SCARB2: variants seen among roughly 807,000 people sequenced by gnomAD.
SCARB2 encodes lysosome membrane protein 2.
Under a neutral mutation model 58.6 loss-of-function variants are expected in SCARB2, and 29 were observed. The ratio of observed to expected loss-of-function variants is 0.49; its 90% CI spans 0.37 to 0.67. The LOEUF is 0.67. Ranked by LOEUF, SCARB2 falls within the 30% of genes least tolerant of loss-of-function variation. The pLI is 0.00. For synonymous variants in SCARB2, 195 were observed against 210.1 expected, an observed-to-expected ratio of 0.93 and a Z score of 0.62; for missense variants, 488 against 578.5, an observed-to-expected ratio of 0.84 and a Z score of 1.60.
At chr4:76,176,596 G>T in intron 4 of SCARB2, 68 bp from the exon 5 acceptor site, 2 of 1,111,284 alleles carry the variant, frequency 1.8e-6, no homozygotes, top group South Asian at 1.3e-5. Context: ...GCTAGACTAT[G>T]GTGCCCAGTT....
intron 1 of SCARB2, among the ~76,000 whole-genome samples, chr4:76,233,542 C>T (rs1733528353): frequency 6.6e-6 from 1 of 151,612 alleles, no homozygotes; most frequent in Non-Finnish European, 1.5e-5. Flanking sequence ...TTTCTTTAGG[C>T]CAAATTAATT....
At chr4:76,181,735 TTTTA>T (rs1732391296) in intron 2 of SCARB2, among the ~76,000 whole-genome samples, 1 of 151,970 alleles carries the variant, frequency 6.6e-6, no homozygotes. Flanking sequence ...CAGCTAATTG[TTTTA>T]TTTTTTTGTA....
At chr4:76,167,296 T>A (rs1470934703) in intron 9 of SCARB2, among the ~76,000 whole-genome samples, 1 of 152,114 alleles carries the variant, frequency 6.6e-6, no homozygotes, top group Non-Finnish European at 1.5e-5. Flanking sequence ...TTCCCCCAAA[T>A]CTCAGGGTGA....
chr4:76,169,766 AAG>A, intron 8 of SCARB2, 99 bp downstream of exon 8: 2 of 970,886 alleles, frequency 2.1e-6, no homozygotes, highest in South Asian at 2.6e-5. Flanking sequence ...ATGTATATGA[AAG>A]TAAGGATATT....
At chr4:76,210,407 A>T (rs577088698) in intron 1 of SCARB2, among the ~76,000 whole-genome samples, 1 of 152,172 alleles carries the variant, frequency 6.6e-6, no homozygotes, top group African/African-American at 2.4e-5. Context: ...GGCATTTAAT[A>T]TGTATCTCAG....
chr4:76,196,067 C>G (rs919074061), intron 1 of SCARB2, among the ~76,000 whole-genome samples: 2 of 152,196 alleles, frequency 1.3e-5, no homozygotes, highest in African/African-American at 4.8e-5. Context: ...TCAGAGAAGG[C>G]CTTCGATAAA....
chr4:76,175,752 C>G (rs1305448664), intron 6 of SCARB2, 39 bp downstream of exon 6: 3 of 1,612,470 alleles, frequency 1.9e-6, no homozygotes, highest in Non-Finnish European at 2.5e-6. Flanking sequence ...CAGTGAAAGA[C>G]CTTATTTTTG....
chr4:76,221,622 T>G (rs1442053359), intron 1 of SCARB2, among the ~76,000 whole-genome samples: 2 of 152,158 alleles, frequency 1.3e-5, no homozygotes, highest in African/African-American at 2.4e-5. Flanking sequence ...ACCCGGCCTA[T>G]TCCCCATTAT....
At chr4:76,191,647 T>C (rs1470586767) in intron 2 of SCARB2, among the ~76,000 whole-genome samples, 4 of 152,188 alleles carry the variant, frequency 2.6e-5, no homozygotes, top group Admixed American at 6.5e-5. Flanking sequence ...TGTGGAACTA[T>C]AGGCCAATTA....
chr4:76,195,950 A>G, intron 1 of SCARB2, 86 bp from the exon 2 acceptor site: 1 of 905,252 alleles, frequency 1.1e-6, no homozygotes, highest in South Asian at 1.6e-5. Context: ...GACGCCCCCT[A>G]TTCTGACCTC....
chr4:76,183,696 C>T (rs1732431239), intron 2 of SCARB2, among the ~76,000 whole-genome samples: 3 of 152,174 alleles, frequency 2.0e-5, no homozygotes, highest in Admixed American at 2.0e-4. Flanking sequence ...TGTGATCAAC[C>T]CAACTTTCAG....
chr4:76,195,731 T>C lies in SCARB2; in HGVS notation c.251A>G (p.Glu84Gly). The C allele has an allele frequency of 6.2e-7, 1 of 1,614,008 alleles. No individual in the cohort carries two copies. Among genetic ancestry groups the C allele is most frequent in the South Asian group, 1.1e-5 (1 of 91,064 alleles). ...CCTGTAGGTGTATGGCCCCACTTCT[T>C]CCACCCGAGGGGTCTCCCCTCTGAG... ...EILRGETPRV[E>G]EVGPYTYREL... Residue 84 changes from glutamate (E) to glycine (G), a missense_variant, in exon 2 of 12, where the codon GAA becomes GGA. Glu to Gly is a moderately conservative substitution (Grantham distance 98). Transcript: ENST00000264896.
rs752864212 is a variant in SCARB2, at chr4:76,160,168, C to T, written c.*1545G>A. Reference sequence around the variant, plus strand: ...GAAAAAGGAAAAATTGTCAGTAAAACAATTTATTACCTCAATACAGGGATA... The same window carrying T: ...GAAAAAGGAAAAATTGTCAGTAAAATAATTTATTACCTCAATACAGGGATA... On this transcript the variant is annotated 3_prime_UTR_variant, in exon 12 of 12. Transcript: ENST00000264896. The T allele has an allele frequency of 1.3e-5, 2 of 152,012 alleles. No individual in the cohort carries two copies. Among genetic ancestry groups the T allele is most frequent in the African/African-American group, 2.4e-5 (1 of 41,380 alleles). The allele number at this position is 152,012 out of a possible 1,614,324, so 9.4% of individuals were successfully genotyped here. A position where few individuals can be genotyped will look rare whatever the true frequency, so the allele number is the denominator to read the frequency against.
intron 2 of SCARB2, among the ~76,000 whole-genome samples, chr4:76,186,500 T>C (rs1732490555): frequency 6.6e-6 from 1 of 151,852 alleles, no homozygotes. Flanking sequence ...GCCTCTACCC[T>C]TAACTTTGAG....
At chr4:76,204,481 C>A (rs1732890761) in intron 1 of SCARB2, among the ~76,000 whole-genome samples, 1 of 151,994 alleles carries the variant, frequency 6.6e-6, no homozygotes, top group African/African-American at 2.4e-5. Context: ...AATGACAATC[C>A]CAAAAAACCT....
chr4:76,168,353 G>A (rs1439443185), intron 9 of SCARB2, 50 bp downstream of exon 9: 8 of 1,395,062 alleles, frequency 5.7e-6, no homozygotes, highest in Non-Finnish European at 7.1e-6. Context: ...CCACCAGACG[G>A]GCAATGGAGC....
intron 1 of SCARB2, among the ~76,000 whole-genome samples, chr4:76,229,551 C>T (rs1021800703): frequency 2.0e-5 from 3 of 152,206 alleles, no homozygotes; most frequent in African/African-American, 4.8e-5. Flanking sequence ...ATGTGGTATG[C>T]TCTCCCTTTC....
intron 4 of SCARB2, 157 bp downstream of exon 4, chr4:76,179,360 T>A: frequency 1.5e-6 from 1 of 654,726 alleles, no homozygotes; most frequent in Non-Finnish European, 2.7e-6. Flanking sequence ...GGCCTCAAGT[T>A]TTTTTTCTTT....
intron 1 of SCARB2, among the ~76,000 whole-genome samples, chr4:76,233,077 C>G (rs1300439928): frequency 6.6e-6 from 1 of 151,638 alleles, no homozygotes; most frequent in African/African-American, 2.4e-5. Context: ...TTCCTTATAA[C>G]CTTTTACTAA....
Sources: gnomAD v4.1 joint callset for allele counts (sites outside exome capture counted in the v4.1 genomes callset) on GRCh38, gnomAD v4.1.1 for gene constraint, MANE v1.5 for transcripts, NCBI Gene and HGNC (gene_info 2026-07-23, HGNC 2026-07-21) for gene names.